The following UNC5D variants were observed in gnomAD, a reference collection of about 807,000 sequenced individuals.
UNC5D encodes the protein netrin receptor UNC5D.
A neutral mutation model predicts 105.4 loss-of-function variants in UNC5D; 39 were observed. That is an observed-to-expected ratio of 0.37 (90% CI 0.29 to 0.48). UNC5D has a LOEUF of 0.48. UNC5D is among the 20% of genes least tolerant of loss of function. The pLI is 0.98. For synonymous variants in UNC5D, 452 were observed against 450.4 expected (o/e 1.00, Z -0.04); for missense variants, 991 against 1,202.4 (o/e 0.82, Z 2.60).
chr8:35,562,250 C>G (rs1453694232), intron 2 of UNC5D, among the ~76,000 whole-genome samples: 1 of 152,038 alleles, frequency 6.6e-6, no homozygotes, highest in Non-Finnish European at 1.5e-5. Context: ...ACCGCATTTT[C>G]TTCATCAATT....
chr8:35,334,518 A>T (rs1052303767), intron 1 of UNC5D, among the ~76,000 whole-genome samples: 81 of 148,418 alleles, frequency 5.5e-4, no homozygotes, highest in South Asian at 6.4e-4. Context: ...ACTTTTATTT[A>T]TTTTTTTTTT....
chr8:35,673,484 A>T (rs558495315), intron 4 of UNC5D, among the ~76,000 whole-genome samples: 92 of 152,326 alleles, frequency 6.0e-4, no homozygotes, highest in African/African-American at 2.0e-3. Context: ...TTGTGGTAGA[A>T]AAAATATATA....
chr8:35,249,176 A>T (rs1048224149), intron 1 of UNC5D, among the ~76,000 whole-genome samples: 4 of 142,958 alleles, frequency 2.8e-5, no homozygotes, highest in Non-Finnish European at 6.0e-5. Context: ...TATTTTGAAG[A>T]CAGCTTTCCA....
chr8:35,750,901 G>A, intron 13 of UNC5D, 92 bp downstream of exon 13: 3 of 1,504,812 alleles, frequency 2.0e-6, no homozygotes, highest in Admixed American at 1.7e-5. Flanking sequence ...ATTACTGAGG[G>A]TCTAGAAAAT....
At chr8:35,761,499 C>A (rs1467179033) in intron 14 of UNC5D, among the ~76,000 whole-genome samples, 3 of 152,132 alleles carry the variant, frequency 2.0e-5, no homozygotes, top group Admixed American at 2.0e-4. Flanking sequence ...TGTTGACTTT[C>A]AAGAAAACCC....
At chr8:35,465,451 T>C (rs908237261) in intron 1 of UNC5D, among the ~76,000 whole-genome samples, 3 of 150,894 alleles carry the variant, frequency 2.0e-5, no homozygotes, top group African/African-American at 7.4e-5. Context: ...CAAGGCACAG[T>C]GAGCCCAGAT....
intron 1 of UNC5D, among the ~76,000 whole-genome samples, chr8:35,457,581 T>C (rs1371808387): frequency 1.3e-5 from 2 of 152,178 alleles, no homozygotes; most frequent in Non-Finnish European, 2.9e-5. Flanking sequence ...TATGTTCTTG[T>C]CTTTGATGTG....
Position 35,269,104 on chromosome 8 carries a change from T to A in UNC5D, c.103+33217T>A, listed in dbSNP as rs770001532. 9.8e-5 allele frequency among the ~76,000 whole-genome samples: 15 copies of A among 152,342 alleles called. No homozygotes were observed. The Middle Eastern group carries it at 0.01, about 104-fold the overall frequency. ...AAACACATATTTAAGGTGATGGATA[T>A]CCCAGTTACACTGATTTGATCTTTA... On this transcript the variant is annotated intron_variant, in intron 1 of 16. Transcript: ENST00000404895.
chr8:35,511,073 C>G (rs1812668752), intron 1 of UNC5D, among the ~76,000 whole-genome samples: 1 of 152,118 alleles, frequency 6.6e-6, no homozygotes, highest in South Asian at 2.1e-4. Flanking sequence ...GAAAATCAAG[C>G]TTTCAGGGAC....
intron 1 of UNC5D, among the ~76,000 whole-genome samples, chr8:35,492,595 A>G (rs941376826): frequency 1.3e-5 from 2 of 152,012 alleles, no homozygotes; most frequent in Non-Finnish European, 2.9e-5. Context: ...AGGATAAAAA[A>G]CATGTAAATT....
intron 7 of UNC5D, among the ~76,000 whole-genome samples, chr8:35,693,929 A>T (rs1826582564): frequency 6.6e-6 from 1 of 152,112 alleles, no homozygotes; most frequent in Non-Finnish European, 1.5e-5. Flanking sequence ...TAAGGGCCCT[A>T]AAACTGAATT....
At chr8:35,294,634 A>G (rs749076893) in intron 1 of UNC5D, among the ~76,000 whole-genome samples, 8 of 151,890 alleles carry the variant, frequency 5.3e-5, no homozygotes, top group Non-Finnish European at 1.0e-4. Flanking sequence ...TTTCACAAAA[A>G]CTGCAGTGTT....
chr8:35,475,727 TG>T (rs1191278870), intron 1 of UNC5D, among the ~76,000 whole-genome samples: 1 of 152,230 alleles, frequency 6.6e-6, no homozygotes, highest in Non-Finnish European at 1.5e-5. Flanking sequence ...CCAAATTTTT[TG>T]TTTTGAGTTT....
rs566610904 is a variant in UNC5D, at chr8:35,708,766, A to C, written c.1117+2805A>C. ...TCATCTCCTTTCCATGCAGTTTTGT[A>C]CCTAACAGAGATGAGTGTTCAGCAC... On this transcript the variant is annotated intron_variant, in intron 8 of 16. Transcript: ENST00000404895. Among the ~76,000 whole-genome samples the C allele has an allele frequency of 1.8e-4, 28 of 152,282 alleles. No individual in the cohort carries two copies. In the South Asian group the frequency reaches 5.8e-3, roughly 32 times the overall value.
intron 13 of UNC5D, among the ~76,000 whole-genome samples, chr8:35,751,114 G>T (rs1055704873): frequency 4.6e-5 from 7 of 152,134 alleles, no homozygotes; most frequent in Non-Finnish European, 7.3e-5. Flanking sequence ...GTGGGTAGGG[G>T]CTAGTGAGGT....
intron 1 of UNC5D, among the ~76,000 whole-genome samples, chr8:35,335,305 T>C (rs1311238332): frequency 6.6e-6 from 1 of 152,244 alleles, no homozygotes; most frequent in African/African-American, 2.4e-5. Flanking sequence ...AGAAATAGAA[T>C]GGCTGGGTCA....
At chr8:35,761,072 AT>A (rs1308087077) in intron 14 of UNC5D, among the ~76,000 whole-genome samples, 1 of 151,598 alleles carries the variant, frequency 6.6e-6, no homozygotes, top group East Asian at 1.9e-4. Context: ...CATTCACCAC[AT>A]TTTTTCCATA....
At chr8:35,643,266 G>T (rs1822861900) in intron 4 of UNC5D, among the ~76,000 whole-genome samples, 1 of 152,134 alleles carries the variant, frequency 6.6e-6, no homozygotes, top group Non-Finnish European at 1.5e-5. Context: ...TTCCCTGGAG[G>T]AAAAAGTCGC....
At chr8:35,370,697 G>A (rs1802381078) in intron 1 of UNC5D, among the ~76,000 whole-genome samples, 1 of 152,142 alleles carries the variant, frequency 6.6e-6, no homozygotes, top group Non-Finnish European at 1.5e-5. Flanking sequence ...CCATGCTGAG[G>A]CCATTGAATC....
Sources: allele counts gnomAD v4.1 joint callset (sites outside exome capture counted in the v4.1 genomes callset), GRCh38; gene constraint gnomAD v4.1.1; transcripts MANE v1.5; gene names NCBI Gene and HGNC (gene_info 2026-07-23, HGNC 2026-07-21).